Variants in KCNN2 observed in about 807,000 individuals in gnomAD.
KCNN2 encodes the protein small conductance calcium-activated potassium channel protein 2.
KCNN2 carries 24 observed loss-of-function variants against 55.5 expected under a neutral mutation model. The observed-to-expected ratio is 0.43, with a 90% confidence interval of 0.31 to 0.61. The LOEUF (loss-of-function observed/expected upper bound fraction) is 0.61. Among genes scored for constraint, KCNN2 ranks in the 20% least tolerant of loss-of-function variants. The pLI is 0.08. For synonymous variants in KCNN2, 431 were observed against 336.1 expected (o/e 1.28, Z -3.09); for missense variants, 754 against 853.6 (o/e 0.88, Z 1.45).
At chr5:114,121,757 C>T (rs955065027) in intron 1 of KCNN2, among the ~76,000 whole-genome samples, 3 of 152,206 alleles carry the variant, frequency 2.0e-5, no homozygotes, top group Non-Finnish European at 1.5e-5. Flanking sequence ...TGACATCATA[C>T]TCTCCCAACT....
chr5:114,092,097 C>T (rs1751156480), intron 1 of KCNN2, among the ~76,000 whole-genome samples: 1 of 152,178 alleles, frequency 6.6e-6, no homozygotes, highest in Non-Finnish European at 1.5e-5. Flanking sequence ...GTCTCTTCTA[C>T]CTAAGAGCCT....
At chr5:114,133,927 G>A (rs112407653) in intron 1 of KCNN2, among the ~76,000 whole-genome samples, 4,653 of 152,198 alleles carry the variant, frequency 0.031, 246 homozygotes, top group African/African-American at 0.11. Flanking sequence ...TTATACAGAG[G>A]CAGCTTGTTT....
At chr5:114,416,318 A>T (rs537008005) in intron 3 of KCNN2, among the ~76,000 whole-genome samples, 1 of 152,268 alleles carries the variant, frequency 6.6e-6, no homozygotes, top group South Asian at 2.1e-4. Flanking sequence ...TTTCTTCATG[A>T]CCAAAAGCAA....
At chr5:114,169,549 C>T (rs905262306) in intron 1 of KCNN2, among the ~76,000 whole-genome samples, 2 of 152,032 alleles carry the variant, frequency 1.3e-5, no homozygotes, top group African/African-American at 4.8e-5. Context: ...ACTTTTATCT[C>T]CTCTGCAGTT....
chr5:114,343,836 C>A (rs1224759001), intron 2 of KCNN2, among the ~76,000 whole-genome samples: 1 of 152,094 alleles, frequency 6.6e-6, no homozygotes, highest in Non-Finnish European at 1.5e-5. Context: ...CTTTGAGAAG[C>A]TGTCTAATCC....
At chr5:114,090,034 C>G (rs1307190939) in intron 1 of KCNN2, among the ~76,000 whole-genome samples, 2 of 152,168 alleles carry the variant, frequency 1.3e-5, no homozygotes, top group Non-Finnish European at 2.9e-5. Flanking sequence ...AGCTGGCAAG[C>G]TTGAATCAAT....
chr5:114,229,254 A>G (rs1223286708), intron 2 of KCNN2, among the ~76,000 whole-genome samples: 1 of 151,456 alleles, frequency 6.6e-6, no homozygotes, highest in Admixed American at 6.6e-5. Flanking sequence ...CTGAATTACT[A>G]GCTTATTCTC....
chr5:114,312,569 A>AT lies in KCNN2; in HGVS notation c.-184-48376_-184-48375insT, dbSNP rs531452354. Among the ~76,000 whole-genome samples the AT allele has an allele frequency of 1.8e-4, 27 of 150,272 alleles. No individual in the cohort carries two copies. The South Asian group carries it at 5.8e-3, about 32-fold the overall frequency. ...TTCCAGAACAGTTTACTCTGCCCAAAATTCTTAGCAGTAATGTCTAAGCCC... is the reference window on the plus strand; with the variant it reads ...TTCCAGAACAGTTTACTCTGCCCAAATATTCTTAGCAGTAATGTCTAAGCCC... On this transcript the variant is annotated intron_variant, in intron 2 of 10. Transcript: ENST00000512097.
chr5:114,094,032 T>G (rs1238081897), intron 1 of KCNN2, among the ~76,000 whole-genome samples: 7 of 152,248 alleles, frequency 4.6e-5, no homozygotes, highest in Non-Finnish European at 8.8e-5. Flanking sequence ...CAGCTAAACA[T>G]TCCACCTGCC....
intron 1 of KCNN2, among the ~76,000 whole-genome samples, chr5:114,213,881 A>G (rs1306155977): frequency 2.0e-5 from 3 of 152,216 alleles, no homozygotes; most frequent in Non-Finnish European, 4.4e-5. Flanking sequence ...TGTTCTCTGT[A>G]CTGAACTGCT....
chr5:114,445,423 T>C (rs947815059), intron 3 of KCNN2, among the ~76,000 whole-genome samples: 5 of 152,226 alleles, frequency 3.3e-5, no homozygotes, highest in African/African-American at 1.2e-4. Context: ...ATAAAAATAT[T>C]ACTTATCAGT....
At chr5:114,303,322 G>A (rs1283276523) in intron 2 of KCNN2, among the ~76,000 whole-genome samples, 3 of 152,208 alleles carry the variant, frequency 2.0e-5, no homozygotes, top group Admixed American at 1.3e-4. Flanking sequence ...ATCACAGTCA[G>A]TGTGTAAAGG....
At chr5:114,261,958 T>G (rs1755118073) in intron 2 of KCNN2, among the ~76,000 whole-genome samples, 1 of 152,116 alleles carries the variant, frequency 6.6e-6, no homozygotes, top group Non-Finnish European at 1.5e-5. Flanking sequence ...TTGGGAAAAC[T>G]AGGGGAGGCT....
chr5:114,453,870 T>C (rs890374566), intron 3 of KCNN2, among the ~76,000 whole-genome samples: 11 of 152,176 alleles, frequency 7.2e-5, no homozygotes, highest in African/African-American at 2.7e-4. Context: ...GTTTGTTACA[T>C]TGATATACAT....
At chr5:114,338,011 T>C (rs1359238700) in intron 2 of KCNN2, among the ~76,000 whole-genome samples, 1 of 152,212 alleles carries the variant, frequency 6.6e-6, no homozygotes, top group Non-Finnish European at 1.5e-5. Flanking sequence ...TCATTTTTTG[T>C]CAAAAGCTTT....
At chr5:114,236,050 GGTAT>G (rs901537208) in intron 2 of KCNN2, among the ~76,000 whole-genome samples, 4 of 152,078 alleles carry the variant, frequency 2.6e-5, no homozygotes, top group African/African-American at 9.7e-5. Flanking sequence ...TTGGGTGAGG[GGTAT>G]GTGAGTATAT....
At chr5:114,323,407 T>C (rs911559747) in intron 2 of KCNN2, among the ~76,000 whole-genome samples, 1 of 152,178 alleles carries the variant, frequency 6.6e-6, no homozygotes, top group African/African-American at 2.4e-5. Flanking sequence ...AAGCACCAAA[T>C]ACTGCACTTA....
intron 2 of KCNN2, among the ~76,000 whole-genome samples, chr5:114,390,749 A>C (rs1457486975): frequency 6.6e-6 from 1 of 152,154 alleles, no homozygotes; most frequent in Non-Finnish European, 1.5e-5. Context: ...TTCTGTTGAG[A>C]GAACCAAAAA....
intron 2 of KCNN2, among the ~76,000 whole-genome samples, chr5:114,378,330 A>C (rs1290859623): frequency 1.3e-5 from 2 of 152,156 alleles, no homozygotes; most frequent in African/African-American, 4.8e-5. Context: ...TTACAGAAAA[A>C]GTTTGCCAGC....
Sources: allele counts gnomAD v4.1 joint callset (sites outside exome capture counted in the v4.1 genomes callset), GRCh38; gene constraint gnomAD v4.1.1; transcripts MANE v1.5; gene names NCBI Gene and HGNC (gene_info 2026-07-23, HGNC 2026-07-21).